COL11A1: variants seen among roughly 807,000 people sequenced by gnomAD.
The protein encoded by COL11A1 is collagen type XI alpha 1 chain.
COL11A1 carries 74 observed loss-of-function variants against 265.2 expected under a neutral mutation model. The observed-to-expected ratio is 0.28, with a 90% CI of 0.23 to 0.34. COL11A1 has a LOEUF of 0.34. COL11A1 is among the 10% of genes least tolerant of loss of function. The pLI is 1.00. For missense variants in COL11A1, 2,165 were observed against 2,263.6 expected (o/e 0.96, Z 0.88); for synonymous variants, 816 against 727.6 (o/e 1.12, Z -1.96).
At chr1:103,019,934 C>A (rs1666878449) in intron 9 of COL11A1, among the ~76,000 whole-genome samples, 1 of 147,268 alleles carries the variant, frequency 6.8e-6, no homozygotes, top group South Asian at 2.3e-4. Context: ...TTTTTTATGG[C>A]TGCATAGTAT....
At chr1:103,019,733 C>A (rs13374198) in intron 9 of COL11A1, among the ~76,000 whole-genome samples, 2 of 106,346 alleles carry the variant, frequency 1.9e-5, no homozygotes, top group African/African-American at 3.6e-5. Flanking sequence ...TGCTATCCCT[C>A]CCCCCTCCCC....
Position 102,913,631 on chromosome 1 carries a change from A to T in COL11A1, c.4032+6T>A. On this transcript the variant is annotated splice_donor_region_variant and intron_variant, in intron 53 of 66. Coordinates refer to ENST00000370096, the MANE Select transcript of COL11A1 (RefSeq NM_001854.4). ...AACTTAAAAATAAATTAGTGCATTT[A>T]CTCACCGGTTGACCAGGATCTCCAT... 1 of 1,612,596 alleles carries T rather than the reference A, an allele frequency of 6.2e-7. No individual in the cohort carries two copies. The highest frequency in any genetic ancestry group is 1.1e-5 in the South Asian group (1 of 91,052).
chr1:102,992,324 G>A (rs1664219559), intron 28 of COL11A1, among the ~76,000 whole-genome samples: 1 of 152,004 alleles, frequency 6.6e-6, no homozygotes. Context: ...TATAAAAGTG[G>A]AATTCATCTA....
At chr1:102,926,717 A>T (rs182152465) in intron 46 of COL11A1, among the ~76,000 whole-genome samples, 2 of 152,278 alleles carry the variant, frequency 1.3e-5, no homozygotes, top group Admixed American at 1.3e-4. Context: ...TCTACAAGAC[A>T]CCTACTTTAA....
chr1:102,932,764 C>T (rs1299042473), intron 46 of COL11A1, among the ~76,000 whole-genome samples: 2 of 150,720 alleles, frequency 1.3e-5, no homozygotes, highest in African/African-American at 2.4e-5. Context: ...CACATAGTCC[C>T]ATATTTCTTG....
At chr1:102,924,095 A>C (rs1656307085) in intron 46 of COL11A1, among the ~76,000 whole-genome samples, 1 of 150,182 alleles carries the variant, frequency 6.7e-6, no homozygotes, top group African/African-American at 2.5e-5. Context: ...GTGGCAGGCG[A>C]CTGTAGTCAC....
intron 3 of COL11A1, among the ~76,000 whole-genome samples, chr1:103,075,953 C>T (rs902474014): frequency 3.3e-5 from 5 of 152,102 alleles, no homozygotes; most frequent in Non-Finnish European, 7.4e-5. Context: ...AAAATTTACA[C>T]ATACTTCATG....
intron 66 of COL11A1, among the ~76,000 whole-genome samples, chr1:102,879,371 TTTTTA>T (rs1448639903): frequency 2.6e-5 from 4 of 152,170 alleles, no homozygotes; most frequent in Non-Finnish European, 5.9e-5. Flanking sequence ...GAAATAAGTG[TTTTTA>T]TTTTCTTTTT....
rs747193455 is a variant in COL11A1 at position 102,888,690 on chromosome 1, C to T, written c.4554+33G>A. The T allele has an allele frequency of 9.9e-6, 16 of 1,613,732 alleles. 1 individual carries two copies. The East Asian group carries it at 3.6e-4, about 36-fold the overall frequency. On this transcript the variant is annotated intron_variant, in intron 61 of 66. Coordinates refer to ENST00000370096, the MANE Select transcript of COL11A1 (RefSeq NM_001854.4). ...AGAGGCAATTAAATAGGTTTCAATG[C>T]AAAATTAAATTGTCAAAGGGAAAAG...
At chr1:103,098,704 T>C (rs927961076) in intron 1 of COL11A1, among the ~76,000 whole-genome samples, 5 of 151,834 alleles carry the variant, frequency 3.3e-5, no homozygotes, top group South Asian at 2.1e-4. Context: ...AGATAAGTAT[T>C]TGAGTTTTGG....
intron 1 of COL11A1, among the ~76,000 whole-genome samples, chr1:103,105,112 A>T (rs1286458823): frequency 6.6e-6 from 1 of 152,072 alleles, no homozygotes; most frequent in Non-Finnish European, 1.5e-5. Context: ...ATTATAGCTA[A>T]GTCTAACTCT....
At chr1:102,904,459 T>C (rs1313791690) in intron 54 of COL11A1, among the ~76,000 whole-genome samples, 1 of 151,946 alleles carries the variant, frequency 6.6e-6, no homozygotes, top group Non-Finnish European at 1.5e-5. Flanking sequence ...GGGAGAAAAT[T>C]TTTGCAACCT....
In COL11A1 at chr1:102,981,692, A is replaced by G. The variant is rs145781436; in HGVS notation, c.2557-2257T>C. On this transcript the variant is annotated intron_variant, in intron 31 of 66. Coordinates refer to ENST00000370096, the MANE Select transcript of COL11A1 (RefSeq NM_001854.4). ...CCCGTTTTTATATGGAAACACACAAAGGCCATAAAGTCAAAGATTAATTGT... is the reference window on the plus strand; with the variant it reads ...CCCGTTTTTATATGGAAACACACAAGGGCCATAAAGTCAAAGATTAATTGT... Among the ~76,000 whole-genome samples, 627 of 152,148 alleles carry G rather than the reference A, an allele frequency of 4.1e-3. 4 individuals are homozygous for G. Among genetic ancestry groups the G allele is most frequent in the African/African-American group, 0.014 (598 of 41,546 alleles).
intron 41 of COL11A1, among the ~76,000 whole-genome samples, chr1:102,955,971 G>A (rs906649987): frequency 2.0e-5 from 3 of 152,082 alleles, no homozygotes; most frequent in Non-Finnish European, 2.9e-5. Flanking sequence ...ACAACATCAC[G>A]TATACAGGGA....
chr1:103,019,456 G>T (rs1285562989), intron 9 of COL11A1, among the ~76,000 whole-genome samples: 1 of 151,942 alleles, frequency 6.6e-6, no homozygotes, highest in Non-Finnish European at 1.5e-5. Context: ...TAAAAAGGGG[G>T]TTAAAACTTT....
At chr1:102,904,691 G>A (rs1361242127) in intron 54 of COL11A1, among the ~76,000 whole-genome samples, 1 of 152,036 alleles carries the variant, frequency 6.6e-6, no homozygotes, top group African/African-American at 2.4e-5. Context: ...TCTCACACCA[G>A]TTAGAATGGT....
intron 4 of COL11A1, among the ~76,000 whole-genome samples, chr1:103,063,835 A>G (rs1670860750): frequency 6.6e-6 from 1 of 152,234 alleles, no homozygotes; most frequent in Non-Finnish European, 1.5e-5. Context: ...TATCCAAAAC[A>G]TACAAAAAGT....
intron 46 of COL11A1, among the ~76,000 whole-genome samples, chr1:102,926,835 G>A (rs1656651068): frequency 6.6e-6 from 1 of 151,982 alleles, no homozygotes; most frequent in South Asian, 2.1e-4. Context: ...TTAATGCCTT[G>A]TTTTCAAATA....
intron 41 of COL11A1, among the ~76,000 whole-genome samples, chr1:102,955,186 T>G (rs1001669064): frequency 6.6e-6 from 1 of 152,020 alleles, no homozygotes; most frequent in Non-Finnish European, 1.5e-5. Flanking sequence ...CTTTTAAACC[T>G]TGGTTATTCC....
Sources: allele counts gnomAD v4.1 joint callset (sites outside exome capture counted in the v4.1 genomes callset), GRCh38; gene constraint gnomAD v4.1.1; transcripts MANE v1.5; gene names NCBI Gene and HGNC (gene_info 2026-07-23, HGNC 2026-07-21).